CRX: variants seen among roughly 807,000 people sequenced by gnomAD.
CRX encodes the protein cone-rod homeobox protein.
A neutral mutation model predicts 13.1 loss-of-function variants in CRX; 5 were observed. The observed-to-expected ratio is 0.38, with a 90% CI of 0.20 to 0.80. The LOEUF (loss-of-function observed/expected upper bound fraction) is 0.80, where lower values mean the gene tolerates loss of function less well. Ranked by LOEUF, CRX falls within the 30% of genes least tolerant of loss-of-function variation. The probability of loss-of-function intolerance (pLI) is 0.43; values close to 1 mark genes in which losing one functional copy is unlikely to be tolerated. For synonymous variants in CRX, 179 were observed against 171.1 expected (o/e 1.05, Z -0.36); for missense variants, 351 against 391.8 (o/e 0.90, Z 0.88).
At chr19:47,825,894 C>A (rs1265080281) in intron 1 of CRX, among the ~76,000 whole-genome samples, 1 of 151,336 alleles carries the variant, frequency 6.6e-6, no homozygotes, top group Admixed American at 6.6e-5. Flanking sequence ...TGCACTCCAG[C>A]ATGGGTGACA....
At chr19:47,827,999 C>T (rs1967996888) in intron 1 of CRX, among the ~76,000 whole-genome samples, 1 of 150,366 alleles carries the variant, frequency 6.7e-6, no homozygotes, top group Non-Finnish European at 1.5e-5. Context: ...ACTAAAAATA[C>T]AAAAATTAGC....
chr19:47,838,630 GATGT>G lies in CRX; in HGVS notation c.253-678_253-675del, dbSNP rs200779289. 5.2e-3 allele frequency among the ~76,000 whole-genome samples: 785 copies of G among 152,176 alleles called. 13 individuals are homozygous for G. The highest frequency in any genetic ancestry group is 0.018 in the African/African-American group (731 of 41,508). On this transcript the variant is annotated intron_variant, in intron 3 of 3. Coordinates refer to ENST00000221996, the MANE Select transcript of CRX (RefSeq NM_000554.6). ...ATGTATGTATGATGTATATGTGTAT[GATGT>G]ATGTATGTATGATCAGATAGATGGG...
chr19:47,839,679 C>A lies in CRX; in HGVS notation c.612C>A (p.Ser204=), dbSNP rs750145677. Residue 204 remains serine (S), a synonymous_variant, in exon 4 of 4, where the codon TCC becomes TCA. Coordinates refer to ENST00000221996, the MANE Select transcript of CRX (RefSeq NM_000554.6). The surrounding 1 kb of genome is among the most constrained non-coding windows in gnomAD (Gnocchi z 4.6). Reference sequence around the variant, plus strand: ...CCCCGGCCTCCGCTTTCTGCTCTTCCCCCTCCGCCTATGGGTCTCCGAGCT... The same window carrying A: ...CCCCGGCCTCCGCTTTCTGCTCTTCACCCTCCGCCTATGGGTCTCCGAGCT... ...TYAPASAFCS[S]PSAYGSPSSY... is the part of the protein sequence containing the mutation. The A allele has an allele frequency of 1.2e-6, 2 of 1,613,836 alleles. No homozygotes were observed. The highest frequency in any genetic ancestry group is 1.1e-5 in the South Asian group (1 of 91,084).
intron 1 of CRX, among the ~76,000 whole-genome samples, chr19:47,827,328 A>G (rs1201131150): frequency 1.3e-5 from 2 of 151,824 alleles, no homozygotes; most frequent in Non-Finnish European, 2.9e-5. Flanking sequence ...CAACAAGACC[A>G]AGTTGGAGAC....
chr19:47,839,627 C>T lies in CRX; in HGVS notation c.560C>T (p.Thr187Ile), dbSNP rs758125850. ...CTGGTGGCCTCAGGGCCGTCTCTGA[C>T]CTCCGCCCCCTATGCCATGACCTAC... ...AGLVASGPSL[T>I]SAPYAMTYAP... Residue 187 changes from threonine (T) to isoleucine (I), a missense_variant, in exon 4 of 4, where the codon ACC (threonine) becomes ATC (isoleucine). Around this residue, in one of 3 missense-constraint regions of CRX, gnomAD observed 253 missense variants for 268.3 expected, o/e 0.94. Coordinates refer to ENST00000221996, the MANE Select transcript of CRX (RefSeq NM_000554.6). The surrounding 1 kb of genome is among the most constrained non-coding windows in gnomAD (Gnocchi z 4.6). 2.4e-5 allele frequency: 38 copies of T among 1,613,154 alleles called. No homozygotes were observed. The East Asian group carries it at 7.4e-4, about 31-fold the overall frequency.
rs924778567 is a variant in CRX at position 47,841,553 on chromosome 19, A to G, written c.*1586A>G. ...GAGGAGGCAGCCCTACATTTCAAAC[A>G]TACATTCCCTTTTTTAGATTTTTTT... On this transcript the variant is annotated 3_prime_UTR_variant, in exon 4 of 4. Coordinates refer to ENST00000221996, the MANE Select transcript of CRX (RefSeq NM_000554.6). 1.3e-5 allele frequency: 2 copies of G among 151,186 alleles called. No homozygotes were observed. The highest frequency in any genetic ancestry group is 2.4e-5 in the African/African-American group (1 of 41,038). 9.4% of individuals were successfully genotyped at this position (151,186 alleles called of 1,614,324 possible). A position where few individuals can be genotyped will look rare whatever the true frequency, so the allele number is the denominator to read the frequency against.
chr19:47,832,105 G>GTTCTTTTTTTT, intron 1 of CRX, among the ~76,000 whole-genome samples: 1 of 91,988 alleles, frequency 1.1e-5, no homozygotes, highest in Non-Finnish European at 2.1e-5. Context: ...GCAGCCTTAT[G>GTTCTTTTTTTT]TTTTTTTTTT....
intron 1 of CRX, among the ~76,000 whole-genome samples, chr19:47,827,836 T>TAAAAAAAA (rs1156465404): frequency 4.8e-5 from 2 of 41,734 alleles, no homozygotes; most frequent in African/African-American, 2.8e-4. Context: ...GCATCTTTAT[T>TAAAAAAAA]AAAAAAAAAA....
chr19:47,837,009 T>C (rs977819318), intron 3 of CRX, among the ~76,000 whole-genome samples: 14 of 151,630 alleles, frequency 9.2e-5, no homozygotes, highest in African/African-American at 3.4e-4. Flanking sequence ...TATATATGAG[T>C]GTCTGTGTGT....
Position 47,836,411 on chromosome 19 carries a change from C to T in CRX, c.252+17C>T. 1.2e-6 allele frequency: 2 copies of T among 1,614,104 alleles called. No individual in the cohort carries two copies. Among genetic ancestry groups the T allele is most frequent in the Non-Finnish European group, 1.7e-6 (2 of 1,179,962 alleles). On this transcript the variant is annotated intron_variant, in intron 3 of 3. Coordinates refer to ENST00000221996, the MANE Select transcript of CRX (RefSeq NM_000554.6). ...AGGGTTCAGGTGGGGTGGTGGGTCC[C>T]TGGACCCCTCCCGACACTTCCTGTG... is the stretch of plus-strand genomic sequence containing the variant.
At chr19:47,832,596 C>T (rs755195700) in intron 1 of CRX, among the ~76,000 whole-genome samples, 2 of 151,918 alleles carry the variant, frequency 1.3e-5, no homozygotes, top group Admixed American at 6.6e-5. Flanking sequence ...AGCGATTCTC[C>T]TGCCTCAGCC....
rs560311771 is a variant in CRX at position 47,837,794 on chromosome 19, TG to T, written c.252+1401del. 9.9e-5 allele frequency among the ~76,000 whole-genome samples: 15 copies of T among 152,188 alleles called. 1 individual carries two copies. In the South Asian group the frequency reaches 3.1e-3, roughly 32 times the overall value. ...TATGTATGATGTATGTGTGTACAAT[TG>T]TATGTATCATCAGATGGATAAGTCT... On this transcript the variant is annotated intron_variant, in intron 3 of 3. Transcript: ENST00000221996.
intron 1 of CRX, among the ~76,000 whole-genome samples, chr19:47,833,911 G>A (rs1002506832): frequency 6.6e-6 from 1 of 151,700 alleles, no homozygotes; most frequent in Admixed American, 6.6e-5. Context: ...AAACTCCTGG[G>A]CTCAAGTGAT....
Position 47,842,719 on chromosome 19 carries a change from A to G in CRX, c.*2752A>G, listed in dbSNP as rs1968213646. ...CAAAATTCACACGGGAGGGGCAGGG[A>G]TGAGACAATATTGTGCCCTGGGTCT... On this transcript the variant is annotated 3_prime_UTR_variant, in exon 4 of 4. Transcript: ENST00000221996. The G allele has an allele frequency of 6.6e-6, 1 of 152,248 alleles. No homozygotes were observed. Among genetic ancestry groups the G allele is most frequent in the Non-Finnish European group, 1.5e-5 (1 of 68,082 alleles). The allele number at this position is 152,248 out of a possible 1,614,324, so 9.4% of individuals were successfully genotyped here. A position where few individuals can be genotyped will look rare whatever the true frequency, so the allele number is the denominator to read the frequency against.
At chr19:47,823,018 A>G (rs1009228005) in intron 1 of CRX, among the ~76,000 whole-genome samples, 2 of 151,928 alleles carry the variant, frequency 1.3e-5, no homozygotes, top group Admixed American at 6.6e-5. Flanking sequence ...CTGGTCTCGA[A>G]CTCCTGACCT....
At chr19:47,835,233 T>A (rs541397947) in intron 2 of CRX, among the ~76,000 whole-genome samples, 53 of 151,778 alleles carry the variant, frequency 3.5e-4, no homozygotes, top group Admixed American at 7.9e-4. Context: ...TATTATTTTT[T>A]TTTTTGTAGA....
rs71180891 is a variant in CRX, at chr19:47,832,105, G to GTTTTTTTTTTTTTTTTTTT, written c.-35-2286_-35-2285insTTTTTTTTTTTTTTTTTTT. ...AAATCAGTTCAGAGAGCAGCCTTATGTTTTTTTTTTTTTTTTTTGAGACGG... is the reference window on the plus strand; with the variant it reads ...AAATCAGTTCAGAGAGCAGCCTTATGTTTTTTTTTTTTTTTTTTTTTTTTTTTTTTTTTTTTTGAGACGG... On this transcript the variant is annotated intron_variant, in intron 1 of 3. Transcript: ENST00000221996. Among the ~76,000 whole-genome samples the GTTTTTTTTTTTTTTTTTTT allele has an allele frequency of 2.1e-4, 19 of 91,982 alleles. 2 individuals are homozygous for GTTTTTTTTTTTTTTTTTTT. The highest frequency in any genetic ancestry group is 3.9e-4 in the Admixed American group (3 of 7,768). The allele number at this position is 91,982 out of a possible 152,430, so 60.3% of individuals were successfully genotyped here.
intron 1 of CRX, among the ~76,000 whole-genome samples, chr19:47,833,814 A>G (rs969487672): frequency 3.3e-5 from 5 of 151,442 alleles, no homozygotes; most frequent in Admixed American, 2.6e-4. Flanking sequence ...GTGTAACAGG[A>G]TCAGATTTGT....
At chr19:47,827,836 T>TAAAAAA (rs1156465404) in intron 1 of CRX, among the ~76,000 whole-genome samples, 1 of 41,734 alleles carries the variant, frequency 2.4e-5, no homozygotes, top group African/African-American at 1.4e-4. Context: ...GCATCTTTAT[T>TAAAAAA]AAAAAAAAAA....
Sources: allele counts gnomAD v4.1 joint callset (sites outside exome capture counted in the v4.1 genomes callset), GRCh38; gene constraint gnomAD v4.1.1; regional missense constraint gnomAD v4.1.1; non-coding constraint Gnocchi (gnomAD v3.1); transcripts MANE v1.5; gene names NCBI Gene and HGNC (gene_info 2026-07-23, HGNC 2026-07-21).